The following GRIK2 variants were observed in gnomAD, a reference collection of about 807,000 sequenced individuals.
The protein encoded by GRIK2 is glutamate ionotropic receptor kainate type subunit 2, also known as glutamate receptor ionotropic, kainate 2.
In GRIK2, 32 loss-of-function variants were observed where a neutral mutation model predicts 100.3. The observed-to-expected ratio is 0.32, with a 90% CI of 0.24 to 0.43. The LOEUF (loss-of-function observed/expected upper bound fraction) is 0.43. Among genes scored for constraint, GRIK2 ranks in the 20% least tolerant of loss-of-function variants. GRIK2 has a pLI of 1.00. For synonymous variants in GRIK2, 417 were observed against 389.4 expected (o/e 1.07, Z -0.83); for missense variants, 843 against 1,114.9 (o/e 0.76, Z 3.47).
At chr6:101,958,119 A>G (rs1792053898) in intron 14 of GRIK2, among the ~76,000 whole-genome samples, 1 of 152,110 alleles carries the variant, frequency 6.6e-6, no homozygotes, top group Non-Finnish European at 1.5e-5. Context: ...CATTTTAACA[A>G]TATTGACTCT....
chr6:101,836,659 A>ATTTTTT lies in GRIK2; in HGVS notation c.1317+18177_1317+18178insTTTTTT, dbSNP rs1239661989. Among the ~76,000 whole-genome samples the ATTTTTT allele has an allele frequency of 5.1e-3, 308 of 60,180 alleles. 31 individuals are homozygous for ATTTTTT. The highest frequency in any genetic ancestry group is 7.7e-3 in the Non-Finnish European group (238 of 30,734). The allele number at this position is 60,180 out of a possible 152,430, so 39.5% of individuals were successfully genotyped here. The stretch of plus-strand genomic sequence containing the variant: ...TATGTATGTGTATATATATATATAT[A>ATTTTTT]TATTTTTTTTTTTTTTTTTTTTTTG... On this transcript the variant is annotated intron_variant, in intron 10 of 16. Coordinates refer to ENST00000369134, the MANE Select transcript of GRIK2 (RefSeq NM_021956.5).
chr6:101,397,452 A>C (rs888078569), intron 1 of GRIK2, among the ~76,000 whole-genome samples: 6 of 152,208 alleles, frequency 3.9e-5, no homozygotes, highest in Non-Finnish European at 7.4e-5. Flanking sequence ...GTGCTCGAAC[A>C]GTCGAATTAT....
intron 7 of GRIK2, among the ~76,000 whole-genome samples, chr6:101,795,596 A>T (rs1038063449): frequency 1.3e-5 from 2 of 152,216 alleles, no homozygotes; most frequent in Non-Finnish European, 2.9e-5. Context: ...TATGCATGGC[A>T]TGAGAAATAG....
intron 7 of GRIK2, among the ~76,000 whole-genome samples, chr6:101,765,733 A>T (rs370185983): frequency 1.4e-4 from 22 of 152,274 alleles, no homozygotes; most frequent in East Asian, 5.8e-4. Context: ...GCGGAAATTA[A>T]TTTTATAACT....
chr6:101,736,540 T>C (rs966227749), intron 7 of GRIK2, among the ~76,000 whole-genome samples: 4 of 152,192 alleles, frequency 2.6e-5, no homozygotes, highest in Non-Finnish European at 4.4e-5. Context: ...GCTTGCACCC[T>C]CTGAAGCCAC....
At position 101,421,343 on chromosome 6, in the gene GRIK2, G is replaced by A. The variant is rs115893698; in HGVS notation, c.115+21951G>A. On this transcript the variant is annotated intron_variant, in intron 2 of 16. Transcript: ENST00000369134. ...GGAGGATGGCACTGCCTTTAGCATC[G>A]TAGAAGTTGGCTTAGGGTTTACTCG... 2.4e-3 allele frequency among the ~76,000 whole-genome samples: 369 copies of A among 152,302 alleles called. 2 individuals carry two copies. Among genetic ancestry groups the A allele is most frequent in the African/African-American group, 8.5e-3 (353 of 41,558 alleles).
chr6:102,058,103 G>A (rs183756582), intron 16 of GRIK2, among the ~76,000 whole-genome samples: 1 of 151,876 alleles, frequency 6.6e-6, no homozygotes, highest in Admixed American at 6.6e-5. Flanking sequence ...AGCTGGGAAG[G>A]TATTTTGCTC....
intron 2 of GRIK2, among the ~76,000 whole-genome samples, chr6:101,500,740 A>G (rs182299719): frequency 2.8e-4 from 42 of 152,162 alleles, no homozygotes; most frequent in African/African-American, 9.4e-4. Context: ...AAAGACTTGT[A>G]TTTATGTTTA....
intron 14 of GRIK2, chr6:101,993,785 A>G (rs549878709): frequency 6.7e-6 from 1 of 148,384 alleles, no homozygotes; most frequent in Non-Finnish European, 1.5e-5. Flanking sequence ...GCTTCTATAT[A>G]TATATTAATA....
chr6:101,603,966 G>A (rs1779335580), intron 2 of GRIK2, among the ~76,000 whole-genome samples: 1 of 151,506 alleles, frequency 6.6e-6, no homozygotes, highest in South Asian at 2.1e-4. Context: ...GATTTTAGTG[G>A]TGAGGGGGTA....
intron 12 of GRIK2, among the ~76,000 whole-genome samples, chr6:101,908,651 G>T (rs7748463): frequency 0.32 from 49,074 of 151,068 alleles, 9,568 homozygotes; most frequent in East Asian, 0.59. Flanking sequence ...AATAATGTAG[G>T]CTAATTTATT....
chr6:101,581,195 T>C (rs553864688), intron 2 of GRIK2, among the ~76,000 whole-genome samples: 13 of 148,450 alleles, frequency 8.8e-5, no homozygotes, highest in South Asian at 2.1e-4. Context: ...CACACACACA[T>C]ATATATACGC....
At chr6:101,746,618 C>T (rs1011375957) in intron 7 of GRIK2, among the ~76,000 whole-genome samples, 1 of 152,100 alleles carries the variant, frequency 6.6e-6, no homozygotes, top group Non-Finnish European at 1.5e-5. Flanking sequence ...TTAGCCACTG[C>T]GCCTGGCCTA....
intron 7 of GRIK2, among the ~76,000 whole-genome samples, chr6:101,784,696 G>T (rs1779313752): frequency 6.6e-6 from 1 of 152,126 alleles, no homozygotes; most frequent in African/African-American, 2.4e-5. Context: ...CATGAGATCT[G>T]ATGGTTTTAT....
intron 2 of GRIK2, among the ~76,000 whole-genome samples, chr6:101,456,480 A>G (rs999933629): frequency 1.3e-5 from 2 of 152,086 alleles, no homozygotes; most frequent in Non-Finnish European, 2.9e-5. Context: ...TCTGAAAAGG[A>G]GAGTAGTAAT....
At chr6:101,984,772 C>T (rs1793925855) in intron 14 of GRIK2, among the ~76,000 whole-genome samples, 1 of 151,640 alleles carries the variant, frequency 6.6e-6, no homozygotes, top group African/African-American at 2.4e-5. Flanking sequence ...AACATTTTTT[C>T]AGGAAGATGA....
At chr6:101,706,930 A>G (rs908366078) in intron 7 of GRIK2, among the ~76,000 whole-genome samples, 1 of 151,878 alleles carries the variant, frequency 6.6e-6, no homozygotes, top group African/African-American at 2.4e-5. Flanking sequence ...CATAGTCATC[A>G]AATATATGTA....
intron 14 of GRIK2, among the ~76,000 whole-genome samples, chr6:101,950,262 A>G (rs1488352123): frequency 1.3e-5 from 2 of 152,146 alleles, no homozygotes; most frequent in Admixed American, 1.3e-4. Flanking sequence ...TTATCAAGAT[A>G]ATACTCCTTT....
intron 2 of GRIK2, among the ~76,000 whole-genome samples, chr6:101,563,744 T>G (rs916641060): frequency 6.6e-6 from 1 of 152,282 alleles, no homozygotes; most frequent in African/African-American, 2.4e-5. Flanking sequence ...TATGATGTTT[T>G]AAAGTGTAAA....
Sources: gnomAD v4.1 joint callset for allele counts (sites outside exome capture counted in the v4.1 genomes callset) on GRCh38, gnomAD v4.1.1 for gene constraint, MANE v1.5 for transcripts, NCBI Gene and HGNC (gene_info 2026-07-23, HGNC 2026-07-21) for gene names.